Variants in CDH13 observed in about 807,000 individuals in gnomAD.
The protein encoded by CDH13 is cadherin 13.
Under a neutral mutation model 63.8 loss-of-function variants are expected in CDH13, and 24 were observed. The observed-to-expected ratio is 0.38, with a 90% CI of 0.27 to 0.53. The LOEUF (loss-of-function observed/expected upper bound fraction) is 0.53, where lower values mean the gene tolerates loss of function less well. Ranked by LOEUF, CDH13 falls within the 20% of genes least tolerant of loss-of-function variation. The pLI, the probability that CDH13 is intolerant of heterozygous loss-of-function variation, is 0.85. For synonymous variants in CDH13, 503 were observed against 355.3 expected (o/e 1.42, Z -4.67); for missense variants, 1,049 against 903.1 (o/e 1.16, Z -2.07).
chr16:82,903,011 TTCTG>T (rs2080338052), intron 2 of CDH13, among the ~76,000 whole-genome samples: 1 of 152,308 alleles, frequency 6.6e-6, no homozygotes, highest in South Asian at 2.1e-4. Context: ...AGTTCAGGCA[TTCTG>T]TCTGACTCTT....
intron 2 of CDH13, among the ~76,000 whole-genome samples, chr16:82,881,470 C>G (rs952973019): frequency 5.9e-5 from 9 of 152,234 alleles, no homozygotes; most frequent in African/African-American, 2.2e-4. Context: ...GGGAGCCAAG[C>G]CTGTATAACT....
At chr16:83,111,193 A>T (rs1040809042) in intron 3 of CDH13, among the ~76,000 whole-genome samples, 2 of 152,040 alleles carry the variant, frequency 1.3e-5, no homozygotes, top group African/African-American at 4.8e-5. Flanking sequence ...AAAAAAATAG[A>T]AATGGCAAGG....
chr16:83,721,755 G>C lies in CDH13; in HGVS notation c.1539-26353G>C, dbSNP rs1388237818. The C allele has an allele frequency of 2.0e-5, 3 of 152,282 alleles. No homozygotes were observed. The East Asian group carries it at 5.8e-4, about 29-fold the overall frequency. 9.4% of individuals were successfully genotyped at this position (152,282 alleles called of 1,614,324 possible). ...GCTGTAGAAGCTCCAGGGAGGAAGAGACTCCAGGGGCTCAAGTGGTTTAGC... is the reference window on the plus strand; with the variant it reads ...GCTGTAGAAGCTCCAGGGAGGAAGACACTCCAGGGGCTCAAGTGGTTTAGC... On this transcript the variant is annotated intron_variant, in intron 10 of 13. Transcript: ENST00000567109.
intron 4 of CDH13, among the ~76,000 whole-genome samples, chr16:83,217,055 T>A (rs2039558012): frequency 6.6e-6 from 1 of 152,190 alleles, no homozygotes; most frequent in South Asian, 2.1e-4. Flanking sequence ...AATAATAAAA[T>A]GTCCAACTTT....
chr16:83,085,816 C>T (rs1284794087), intron 3 of CDH13, among the ~76,000 whole-genome samples: 1 of 152,176 alleles, frequency 6.6e-6, no homozygotes, highest in African/African-American at 2.4e-5. Context: ...TATGCTAAGA[C>T]ACATTGAAGC....
intron 3 of CDH13, among the ~76,000 whole-genome samples, chr16:83,096,609 A>G (rs2034207457): frequency 6.6e-6 from 1 of 152,204 alleles, no homozygotes; most frequent in Admixed American, 6.5e-5. Context: ...TTAAATTCTT[A>G]ATATGAGAAG....
intron 6 of CDH13, among the ~76,000 whole-genome samples, chr16:83,403,099 C>T (rs1403557985): frequency 1.3e-5 from 2 of 152,154 alleles, no homozygotes; most frequent in African/African-American, 2.4e-5. Context: ...CATACACACA[C>T]TAGCTCATGG....
intron 11 of CDH13, among the ~76,000 whole-genome samples, chr16:83,759,353 A>T (rs1404594755): frequency 6.6e-6 from 1 of 152,220 alleles, no homozygotes; most frequent in Non-Finnish European, 1.5e-5. Context: ...ATTTTTTAAA[A>T]TGCATCCTGA....
chr16:83,253,759 C>A (rs1485208658), intron 5 of CDH13, among the ~76,000 whole-genome samples: 1 of 152,176 alleles, frequency 6.6e-6, no homozygotes, highest in Non-Finnish European at 1.5e-5. Flanking sequence ...CAATTATTAC[C>A]ATTATTTTCA....
intron 10 of CDH13, among the ~76,000 whole-genome samples, chr16:83,746,524 C>A (rs192695019): frequency 2.6e-5 from 4 of 152,310 alleles, no homozygotes; most frequent in East Asian, 3.9e-4. Context: ...AGGTAGATAT[C>A]TTTTTCCCGT....
chr16:82,733,697 C>A (rs774165708), intron 1 of CDH13, among the ~76,000 whole-genome samples: 1 of 152,144 alleles, frequency 6.6e-6, no homozygotes, highest in Admixed American at 6.5e-5. Context: ...TCCAGGGGGT[C>A]TTTTAGTAAG....
intron 4 of CDH13, among the ~76,000 whole-genome samples, chr16:83,206,175 C>G (rs2039175954): frequency 6.6e-6 from 1 of 152,140 alleles, no homozygotes; most frequent in African/African-American, 2.4e-5. Flanking sequence ...TCCCTTCTCT[C>G]TCTGTCTGCT....
At chr16:83,447,413 C>G (rs1003315377) in intron 6 of CDH13, among the ~76,000 whole-genome samples, 1 of 151,736 alleles carries the variant, frequency 6.6e-6, no homozygotes, top group African/African-American at 2.4e-5. Flanking sequence ...TAGACTCCAT[C>G]CCAAAAAAAC....
At chr16:83,008,744 CTCTT>C (rs1597398194) in intron 2 of CDH13, among the ~76,000 whole-genome samples, 3 of 152,302 alleles carry the variant, frequency 2.0e-5, no homozygotes, top group East Asian at 3.9e-4. Flanking sequence ...AGGCCTTCCT[CTCTT>C]TCTCCCTCCT....
At chr16:83,336,933 A>G (rs1371711620) in intron 5 of CDH13, among the ~76,000 whole-genome samples, 5 of 152,196 alleles carry the variant, frequency 3.3e-5, no homozygotes, top group Non-Finnish European at 7.3e-5. Context: ...TTTCATCAGT[A>G]CATCCCTTTG....
rs1915658560 is a variant in CDH13 at position 83,783,315 on chromosome 16, C to G, written c.1977C>G (p.Ile659Met). 6.2e-7 allele frequency: 1 copy of G among 1,613,986 alleles called. No homozygotes were observed. The highest frequency in any genetic ancestry group is 8.5e-7 in the Non-Finnish European group (1 of 1,179,892). Residue 659 changes from isoleucine (I) to methionine (M), a missense_variant, in exon 13 of 14, where the codon ATC becomes ATG. Transcript: ENST00000567109. ...NLNKANYNLP[I>M]MVTDSGKPPM... Reference sequence around the variant, plus strand: ...ACAAAGCAAACTACAACCTGCCCATCATGGTGACAGATTCAGGGAAACCAC... The same window carrying G: ...ACAAAGCAAACTACAACCTGCCCATGATGGTGACAGATTCAGGGAAACCAC...
intron 1 of CDH13, among the ~76,000 whole-genome samples, chr16:82,777,144 T>C (rs989322778): frequency 2.0e-5 from 3 of 152,184 alleles, no homozygotes; most frequent in African/African-American, 7.2e-5. Flanking sequence ...TTTGTTTGTT[T>C]ATTTTGTAGC....
At chr16:82,902,533 T>C (rs975394042) in intron 2 of CDH13, among the ~76,000 whole-genome samples, 3 of 152,138 alleles carry the variant, frequency 2.0e-5, no homozygotes, top group African/African-American at 7.2e-5. Flanking sequence ...TTTCTTTCTT[T>C]CCTCGGGATT....
At chr16:83,344,706 A>G (rs1268006212) in intron 5 of CDH13, among the ~76,000 whole-genome samples, 156 bp from the exon 6 acceptor site, 1 of 152,232 alleles carries the variant, frequency 6.6e-6, no homozygotes, top group Non-Finnish European at 1.5e-5. Flanking sequence ...TTCAATTTCT[A>G]TTCTAGTCCC....
Sources: allele counts gnomAD v4.1 joint callset (sites outside exome capture counted in the v4.1 genomes callset), GRCh38; gene constraint gnomAD v4.1.1; transcripts MANE v1.5; gene names NCBI Gene and HGNC (gene_info 2026-07-23, HGNC 2026-07-21).